WDFY3: variants seen among roughly 807,000 people sequenced by gnomAD.
WDFY3 encodes WD repeat and FYVE domain containing 3.
WDFY3 carries 66 observed loss-of-function variants against 409.6 expected under a neutral mutation model. The ratio of observed to expected loss-of-function variants is 0.16; its 90% CI spans 0.13 to 0.20. The LOEUF is 0.20. Among genes scored for constraint, WDFY3 ranks in the 10% least tolerant of loss-of-function variants. WDFY3 has a pLI of 1.00. For synonymous variants in WDFY3, 1,521 were observed against 1,537.1 expected (o/e 0.99, Z 0.25); for missense variants, 3,031 against 4,298.1 (o/e 0.71, Z 8.24).
At chr4:84,795,149 G>T (rs1284121011) in intron 19 of WDFY3, among the ~76,000 whole-genome samples, 170 bp from the exon 20 acceptor site, 1 of 151,836 alleles carries the variant, frequency 6.6e-6, no homozygotes. Context: ...TTATGTAAGG[G>T]TATCAAAAGA....
rs746554971 is a variant in WDFY3 at position 84,672,938 on chromosome 4, C to A, written c.10511G>T (p.Arg3504Leu). The A allele has an allele frequency of 6.2e-7, 1 of 1,614,054 alleles. No homozygotes were observed. Among genetic ancestry groups the A allele is most frequent in the South Asian group, 1.1e-5 (1 of 91,072 alleles). Residue 3504 changes from arginine to leucine, a missense_variant, in exon 68 of 68, where the codon CGT (arginine) becomes CTT (leucine). By Grantham distance (102) the Arg-to-Leu change is moderately radical. Transcript: ENST00000295888. ...GTTATAATAACAGTTCTGACAAACA[C>A]GCACCGGGGATGAGATTTTCAAGCG... is the stretch of plus-strand genomic sequence containing the variant. ...IKRLKISSPV[R>L]VCQNCYYNLQ...
chr4:84,874,028 G>A (rs1286432357), intron 3 of WDFY3, among the ~76,000 whole-genome samples: 1 of 151,416 alleles, frequency 6.6e-6, no homozygotes, highest in Admixed American at 6.6e-5. Flanking sequence ...CAATTCACCC[G>A]CCTCGGACTC....
chr4:84,906,466 A>G (rs1278541975), intron 2 of WDFY3, among the ~76,000 whole-genome samples: 1 of 152,186 alleles, frequency 6.6e-6, no homozygotes, highest in Non-Finnish European at 1.5e-5. Context: ...ATGCAAAATG[A>G]CTATAGCCTC....
chr4:84,696,785 G>C lies in WDFY3; in HGVS notation c.8635C>G (p.Leu2879Val), dbSNP rs1368917429. The C allele has an allele frequency of 6.2e-7, 1 of 1,613,730 alleles. No homozygotes were observed. Among genetic ancestry groups the C allele is most frequent in the Non-Finnish European group, 8.5e-7 (1 of 1,179,918 alleles). Residue 2879 changes from leucine to valine, a missense_variant, in exon 57 of 68, where the codon CTT becomes GTT. This residue lies in a region of WDFY3 where 129 missense variants were observed against 305.3 expected (regional missense o/e 0.42). Transcript: ENST00000295888. ...GGGTCCCCTTTTGCCCAGGGTGGAAGGATAACATCTCCAAGCTTGGTGCCA... is the reference window on the plus strand; with the variant it reads ...GGGTCCCCTTTTGCCCAGGGTGGAACGATAACATCTCCAAGCTTGGTGCCA... The part of the protein sequence containing the change: ...QNGTKLGDVI[L>V]PPWAKGDPRE...
chr4:84,729,484 G>A (rs1049291831), intron 44 of WDFY3, among the ~76,000 whole-genome samples: 14 of 151,270 alleles, frequency 9.3e-5, no homozygotes, highest in African/African-American at 3.2e-4. Context: ...AATTTTTCTC[G>A]ATATTAATAA....
intron 1 of WDFY3, among the ~76,000 whole-genome samples, chr4:84,942,553 C>T (rs1345857910): frequency 6.6e-6 from 1 of 152,088 alleles, no homozygotes; most frequent in Admixed American, 6.5e-5. Flanking sequence ...TTTATAGATC[C>T]TAATGAATAT....
chr4:84,766,101 G>A, intron 31 of WDFY3, 74 bp from the exon 32 acceptor site: 2 of 1,539,042 alleles, frequency 1.3e-6, no homozygotes, highest in Admixed American at 2.0e-5. Context: ...AATCAAAAAG[G>A]AAAAAGAAGA....
Position 84,850,036 on chromosome 4 carries a change from GAA to G in WDFY3, c.181-13_181-12del, listed in dbSNP as rs769426342. The G allele has an allele frequency of 1.3e-6, 2 of 1,566,168 alleles. No homozygotes were observed. The highest frequency in any genetic ancestry group is 4.0e-5 in the Admixed American group (2 of 49,924). The stretch of plus-strand genomic sequence containing the variant: ...AGCATTTCCAAAAACCTGTAGATAA[GAA>G]AAGACATTGTTAATGAAGCACTGAC... On this transcript the variant is annotated splice_polypyrimidine_tract_variant and intron_variant, in intron 4 of 67. Transcript: ENST00000295888.
chr4:84,782,937 GA>G, intron 25 of WDFY3, 25 bp downstream of exon 25: 1 of 1,602,538 alleles, frequency 6.2e-7, no homozygotes, highest in African/African-American at 1.3e-5. Context: ...AAAGAAGTTT[GA>G]AACAACAAAG....
chr4:84,817,456 G>T lies in WDFY3; in HGVS notation c.1823C>A (p.Thr608Asn). The T allele has an allele frequency of 6.2e-7, 1 of 1,613,816 alleles. No individual in the cohort carries two copies. The highest frequency in any genetic ancestry group is 1.1e-5 in the South Asian group (1 of 91,086). The change falls in exon 13 of 68, where the codon ACT becomes AAT. Residue 608 changes from threonine (T) to asparagine (N), a missense_variant. Thr to Asn is a moderately conservative substitution (Grantham distance 65). Around this residue, in one of 16 missense-constraint regions of WDFY3, gnomAD observed 1,322 missense variants for 1,697.9 expected, o/e 0.78. Coordinates refer to ENST00000295888, the MANE Select transcript of WDFY3 (RefSeq NM_014991.6). ...GGCTGAATGCATTAGCCCCAGGAGA[G>T]TGCCCATGTCATCGTCCCCATTTGG... ...LSPNGDDDMGTLLGLMHSAPP... is the reference protein window; with the variant it reads ...LSPNGDDDMGNLLGLMHSAPP...
At chr4:84,921,426 G>C (rs1769256545) in intron 2 of WDFY3, among the ~76,000 whole-genome samples, 1 of 151,952 alleles carries the variant, frequency 6.6e-6, no homozygotes, top group Non-Finnish European at 1.5e-5. Context: ...TAGTAAAACA[G>C]AGATTTGTCT....
intron 19 of WDFY3, among the ~76,000 whole-genome samples, chr4:84,795,567 G>C (rs769657252): frequency 2.6e-5 from 4 of 152,172 alleles, no homozygotes; most frequent in Non-Finnish European, 4.4e-5. Flanking sequence ...TTCGAGACCA[G>C]CCTGGCCACT....
intron 1 of WDFY3, among the ~76,000 whole-genome samples, chr4:84,943,874 A>C (rs934152434): frequency 2.0e-5 from 3 of 152,208 alleles, no homozygotes; most frequent in Non-Finnish European, 4.4e-5. Context: ...TACCAGAGGC[A>C]CAGACATAAA....
chr4:84,852,200 C>CA (rs1254883815), intron 4 of WDFY3, among the ~76,000 whole-genome samples: 1 of 152,190 alleles, frequency 6.6e-6, no homozygotes, highest in Non-Finnish European at 1.5e-5. Context: ...ACTGAGGCTG[C>CA]TACTAAGTGA....
At chr4:84,825,700 A>T (rs2149864276) in intron 10 of WDFY3, among the ~76,000 whole-genome samples, 1 of 152,210 alleles carries the variant, frequency 6.6e-6, no homozygotes, top group Non-Finnish European at 1.5e-5. Flanking sequence ...AACTCATAAC[A>T]TATGTATTAT....
chr4:84,807,629 G>C (rs192742717), intron 15 of WDFY3, among the ~76,000 whole-genome samples: 1 of 152,234 alleles, frequency 6.6e-6, no homozygotes, highest in East Asian at 1.9e-4. Flanking sequence ...GAAGTATTTG[G>C]GGCCAACTGC....
rs1351545909 is a variant in WDFY3 at position 84,966,433 on chromosome 4, G to A, written c.-450C>T. The A allele has an allele frequency of 6.5e-6, 1 of 153,720 alleles. No individual in the cohort carries two copies. The highest frequency in any genetic ancestry group is 2.4e-5 in the African/African-American group (1 of 41,422). The allele number at this position is 153,720 out of a possible 1,614,324, so 9.5% of individuals were successfully genotyped here. A position where few individuals can be genotyped will look rare whatever the true frequency, so the allele number is the denominator to read the frequency against. On this transcript the variant is annotated 5_prime_UTR_variant, in exon 1 of 68. Transcript: ENST00000295888. ...TCCGCCGGGCCAGGCAGCGGTGCTA[G>A]GCAGCAGGGGCAGCGACGCCGCCGC...
intron 2 of WDFY3, among the ~76,000 whole-genome samples, chr4:84,930,648 A>G (rs1770646277): frequency 1.3e-5 from 2 of 152,218 alleles, no homozygotes; most frequent in African/African-American, 4.8e-5. Flanking sequence ...AAGTCAAATG[A>G]AAAAAGTTTC....
Position 84,716,792 on chromosome 4 carries a change from CTG to C in WDFY3, c.7875+102_7875+103del, listed in dbSNP as rs902559415. 1.3e-5 allele frequency: 13 copies of C among 982,726 alleles called. No individual in the cohort carries two copies. In the African/African-American group the frequency reaches 2.1e-4, roughly 16 times the overall value. The allele number at this position is 982,726 out of a possible 1,614,324, so 60.9% of individuals were successfully genotyped here. A position where few individuals can be genotyped will look rare whatever the true frequency, so the allele number is the denominator to read the frequency against. ...CCAGCCTGGGCGACAGAGTGAGACT[CTG>C]TCTCAAAAAATAAAAATAAAAAATA... On this transcript the variant is annotated intron_variant, in intron 49 of 67. Transcript: ENST00000295888.
Sources: allele counts gnomAD v4.1 joint callset (sites outside exome capture counted in the v4.1 genomes callset), GRCh38; gene constraint gnomAD v4.1.1; regional missense constraint gnomAD v4.1.1; transcripts MANE v1.5; gene names NCBI Gene and HGNC (gene_info 2026-07-23, HGNC 2026-07-21).